The following LRRTM4 variants were observed in gnomAD, a reference collection of about 807,000 sequenced individuals.
LRRTM4 encodes the protein leucine-rich repeat transmembrane neuronal protein 4.
A neutral mutation model predicts 47.6 loss-of-function variants in LRRTM4; 25 were observed. That is an observed-to-expected ratio of 0.53 (90% CI 0.38 to 0.73). The LOEUF is 0.73. Among genes scored for constraint, LRRTM4 ranks in the 30% least tolerant of loss-of-function variants. The probability of loss-of-function intolerance (pLI) is 0.00; values close to 1 mark genes in which losing one functional copy is unlikely to be tolerated. For synonymous variants in LRRTM4, 311 were observed against 269.5 expected (o/e 1.15, Z -1.51); for missense variants, 638 against 713.4 (o/e 0.89, Z 1.20).
intron 3 of LRRTM4, among the ~76,000 whole-genome samples, chr2:77,458,280 G>A (rs1479109163): frequency 6.6e-6 from 1 of 152,234 alleles, no homozygotes; most frequent in Non-Finnish European, 1.5e-5. Flanking sequence ...TGCCAGCATG[G>A]AGTAACAAGG....
At chr2:77,063,608 C>G (rs1230467956) in intron 3 of LRRTM4, among the ~76,000 whole-genome samples, 1 of 152,058 alleles carries the variant, frequency 6.6e-6, no homozygotes, top group African/African-American at 2.4e-5. Context: ...TATGTTATTG[C>G]ACATAAGAGG....
At chr2:76,831,543 C>G (rs529147064) in intron 3 of LRRTM4, among the ~76,000 whole-genome samples, 6 of 152,234 alleles carry the variant, frequency 3.9e-5, no homozygotes, top group East Asian at 1.9e-4. Context: ...TAATTCCAAA[C>G]ACCCAACCAT....
intron 3 of LRRTM4, among the ~76,000 whole-genome samples, chr2:77,073,592 T>G (rs1490503523): frequency 6.6e-6 from 1 of 152,114 alleles, no homozygotes; most frequent in African/African-American, 2.4e-5. Flanking sequence ...GCAACAGTCT[T>G]TCTACACCAA....
chr2:77,447,336 G>A (rs1676091852), intron 3 of LRRTM4, among the ~76,000 whole-genome samples: 1 of 151,996 alleles, frequency 6.6e-6, no homozygotes, highest in Non-Finnish European at 1.5e-5. Flanking sequence ...ATATTTATAT[G>A]TGTACAGATA....
intron 3 of LRRTM4, among the ~76,000 whole-genome samples, chr2:77,450,672 T>G (rs1676221572): frequency 6.6e-6 from 1 of 152,070 alleles, no homozygotes. Flanking sequence ...CAAAAAAAAC[T>G]ATATCTGGTT....
intron 3 of LRRTM4, among the ~76,000 whole-genome samples, chr2:77,364,551 T>G (rs1449031690): frequency 6.6e-6 from 1 of 152,088 alleles, no homozygotes; most frequent in Non-Finnish European, 1.5e-5. Flanking sequence ...TTTAGGGTGC[T>G]GGTTGAATTC....
chr2:76,949,498 C>T (rs1558757156), intron 3 of LRRTM4, among the ~76,000 whole-genome samples: 1 of 151,806 alleles, frequency 6.6e-6, no homozygotes, highest in Non-Finnish European at 1.5e-5. Context: ...TCACAGAACA[C>T]TTCATAGAAG....
chr2:77,260,491 G>A (rs1201999757), intron 3 of LRRTM4, among the ~76,000 whole-genome samples: 1 of 150,904 alleles, frequency 6.6e-6, no homozygotes, highest in Non-Finnish European at 1.5e-5. Context: ...ACAATATTTA[G>A]ATACCAAACC....
intron 3 of LRRTM4, among the ~76,000 whole-genome samples, chr2:77,370,303 T>C (rs1672612030): frequency 6.6e-6 from 1 of 151,636 alleles, no homozygotes; most frequent in Admixed American, 6.6e-5. Context: ...AAGAAGTTAA[T>C]CTTGGCTTGA....
Position 77,067,664 on chromosome 2 carries a change from G to C in LRRTM4, c.1552-318748C>G, listed in dbSNP as rs936411654. On this transcript the variant is annotated intron_variant, in intron 3 of 3. Transcript: ENST00000409884. ...GAAAAACATAAAAAGAAGGATTACG[G>C]TGATTGGTTTTCAAAGATACGTACA... Among the ~76,000 whole-genome samples, 5 of 147,332 alleles carry C rather than the reference G, an allele frequency of 3.4e-5. 1 individual carries two copies. The highest frequency in any genetic ancestry group is 1.3e-4 in the African/African-American group (5 of 39,090).
intron 3 of LRRTM4, among the ~76,000 whole-genome samples, chr2:77,172,607 A>T (rs1383072643): frequency 6.6e-6 from 1 of 152,012 alleles, no homozygotes; most frequent in African/African-American, 2.4e-5. Flanking sequence ...ACATAAAAAA[A>T]AAAATAAAAA....
chr2:77,186,895 T>G (rs573144450), intron 3 of LRRTM4, among the ~76,000 whole-genome samples: 1 of 152,142 alleles, frequency 6.6e-6, no homozygotes, highest in Non-Finnish European at 1.5e-5. Flanking sequence ...AGAAACTTCT[T>G]GAAAAATAAT....
At chr2:77,149,871 T>C (rs190468484) in intron 3 of LRRTM4, among the ~76,000 whole-genome samples, 57 of 152,276 alleles carry the variant, frequency 3.7e-4, no homozygotes, top group Non-Finnish European at 7.1e-4. Context: ...CCTGCTCTGA[T>C]AGAGCTCTCT....
At chr2:77,203,863 G>T (rs991318589) in intron 3 of LRRTM4, among the ~76,000 whole-genome samples, 1 of 152,160 alleles carries the variant, frequency 6.6e-6, no homozygotes, top group African/African-American at 2.4e-5. Flanking sequence ...ATCTATAAGA[G>T]AATTAAAACT....
chr2:76,997,733 C>T (rs1677252484), intron 3 of LRRTM4, among the ~76,000 whole-genome samples: 1 of 152,108 alleles, frequency 6.6e-6, no homozygotes, highest in African/African-American at 2.4e-5. Context: ...AGTCCATGGC[C>T]TGTTAGGAAT....
At chr2:76,936,870 G>T (rs1447395238) in intron 3 of LRRTM4, among the ~76,000 whole-genome samples, 2 of 136,776 alleles carry the variant, frequency 1.5e-5, no homozygotes, top group African/African-American at 5.4e-5. Context: ...AGGGAGAATC[G>T]CTTGAACCCA....
intron 3 of LRRTM4, among the ~76,000 whole-genome samples, chr2:77,346,930 A>T (rs1392247788): frequency 6.6e-6 from 1 of 152,100 alleles, no homozygotes; most frequent in Non-Finnish European, 1.5e-5. Context: ...TATGTGTGTG[A>T]TGCGACATAT....
intron 3 of LRRTM4, among the ~76,000 whole-genome samples, chr2:76,942,157 GTTT>G (rs575221976): frequency 6.6e-6 from 1 of 150,806 alleles, no homozygotes; most frequent in African/African-American, 2.4e-5. Flanking sequence ...TTTTGGTGGT[GTTT>G]TTTTTTCTTG....
intron 3 of LRRTM4, among the ~76,000 whole-genome samples, chr2:77,483,933 A>G (rs1381739099): frequency 6.6e-6 from 1 of 152,222 alleles, no homozygotes; most frequent in Admixed American, 6.5e-5. Flanking sequence ...AATCTTGTAT[A>G]GAAACTTCAT....
Sources: allele counts gnomAD v4.1 joint callset (sites outside exome capture counted in the v4.1 genomes callset), GRCh38; gene constraint gnomAD v4.1.1; transcripts MANE v1.5; gene names NCBI Gene and HGNC (gene_info 2026-07-23, HGNC 2026-07-21).